ICA1: variants seen among roughly 807,000 people sequenced by gnomAD.
ICA1 encodes the protein islet cell autoantigen 1.
ICA1 carries 40 observed loss-of-function variants against 71.0 expected under a neutral mutation model. That is an observed-to-expected ratio of 0.56 (90% confidence interval 0.44 to 0.73). ICA1 has a LOEUF of 0.73. Among genes scored for constraint, ICA1 ranks in the 30% least tolerant of loss-of-function variants. ICA1 has a pLI of 0.00. For missense variants in ICA1, 578 were observed against 576.5 expected (o/e 1.00, Z -0.03); for synonymous variants, 207 against 209.5 (o/e 0.99, Z 0.10).
intron 6 of ICA1, among the ~76,000 whole-genome samples, chr7:8,159,334 G>C (rs182788123): frequency 6.6e-6 from 1 of 152,320 alleles, no homozygotes; most frequent in African/African-American, 2.4e-5. Flanking sequence ...GTGAACGTCA[G>C]GGAAAGATTC....
intron 6 of ICA1, among the ~76,000 whole-genome samples, chr7:8,217,283 C>G (rs1213319225): frequency 1.3e-5 from 2 of 152,150 alleles, no homozygotes; most frequent in Non-Finnish European, 2.9e-5. Context: ...AAATCACAAA[C>G]CAAGATAAAA....
chr7:8,218,447 T>C lies in ICA1; in HGVS notation c.437A>G (p.His146Arg), dbSNP rs767227888. Reference sequence around the variant, plus strand: ...CAGCCAAGTATCTGAGATGGCCCGATGCCGAAAAGTCTCCACTTCTTGGTG... The same window carrying C: ...CAGCCAAGTATCTGAGATGGCCCGACGCCGAAAAGTCTCCACTTCTTGGTG... ...RFHQEVETFR[H>R]RAISDTWLTV... The change falls in exon 6 of 14, where the codon CAT (histidine) becomes CGT (arginine). Residue 146 changes from histidine to arginine, a missense_variant. His to Arg is a conservative substitution (Grantham distance 29). Coordinates refer to ENST00000402384, the MANE Select transcript of ICA1 (RefSeq NM_001136020.3). 6 of 1,614,104 alleles carry C rather than the reference T, an allele frequency of 3.7e-6. No homozygotes were observed. Among genetic ancestry groups the C allele is most frequent in the South Asian group, 2.2e-5 (2 of 91,080 alleles).
At chr7:8,126,361 C>G (rs1479661107) in intron 13 of ICA1, among the ~76,000 whole-genome samples, 2 of 152,132 alleles carry the variant, frequency 1.3e-5, no homozygotes, top group Non-Finnish European at 2.9e-5. Context: ...AGTTGGCAGC[C>G]TTACTCATTT....
intron 1 of ICA1, among the ~76,000 whole-genome samples, chr7:8,251,412 G>A (rs1808159434): frequency 6.7e-6 from 1 of 149,308 alleles, no homozygotes; most frequent in African/African-American, 2.5e-5. Flanking sequence ...CAGCGATCTG[G>A]CTTCACTTTG....
rs570132205 is a variant in ICA1, at chr7:8,124,621, G to C, written c.1330+3252C>G. 1.9e-4 allele frequency among the ~76,000 whole-genome samples: 29 copies of C among 152,252 alleles called. No individual in the cohort carries two copies. The Middle Eastern group carries it at 0.01, about 54-fold the overall frequency. ...ACGTGTTGAAGGATCCCTGAACTGG[G>C]AGCACCTGCTGGGAATCTGTAAGTG... is the stretch of plus-strand genomic sequence containing the variant. On this transcript the variant is annotated intron_variant, in intron 13 of 13. Coordinates refer to ENST00000402384, the MANE Select transcript of ICA1 (RefSeq NM_001136020.3).
chr7:8,179,368 A>G (rs1324492444), intron 6 of ICA1, among the ~76,000 whole-genome samples: 1 of 152,216 alleles, frequency 6.6e-6, no homozygotes, highest in Non-Finnish European at 1.5e-5. Flanking sequence ...AAGTGGGTTG[A>G]AGTCTAACAA....
At position 8,259,520 on chromosome 7, in the gene ICA1, G is replaced by T. The variant is rs144216023; in HGVS notation, c.-80+2574C>A. On this transcript the variant is annotated intron_variant, in intron 1 of 13. Transcript: ENST00000402384. Reference sequence around the variant, plus strand: ...AAGCAGCAGCATTCTTTTTAGATACGGATAGCATATGTTTAGCATGTGAAA... The same window carrying T: ...AAGCAGCAGCATTCTTTTTAGATACTGATAGCATATGTTTAGCATGTGAAA... 4.6e-5 allele frequency among the ~76,000 whole-genome samples: 7 copies of T among 152,292 alleles called. No homozygotes were observed. The East Asian group carries it at 1.4e-3, about 29-fold the overall frequency.
intron 6 of ICA1, among the ~76,000 whole-genome samples, chr7:8,196,038 T>A (rs1787439333): frequency 6.6e-6 from 1 of 151,880 alleles, no homozygotes; most frequent in Non-Finnish European, 1.5e-5. Flanking sequence ...AACAAAAAAT[T>A]CCACATAAGA....
chr7:8,205,163 A>T (rs375933270), intron 6 of ICA1, among the ~76,000 whole-genome samples: 1 of 151,920 alleles, frequency 6.6e-6, no homozygotes, highest in Non-Finnish European at 1.5e-5. Context: ...GGCCTGGATC[A>T]TAAGTACCAA....
intron 6 of ICA1, among the ~76,000 whole-genome samples, chr7:8,200,492 C>G (rs1789246020): frequency 6.6e-6 from 1 of 151,954 alleles, no homozygotes; most frequent in Admixed American, 6.6e-5. Flanking sequence ...AATAAAGGAA[C>G]AGATTGACTT....
intron 12 of ICA1, 114 bp from the exon 13 acceptor site, chr7:8,128,256 T>G (rs1790106908): frequency 9.4e-7 from 1 of 1,065,764 alleles, no homozygotes; most frequent in Non-Finnish European, 1.4e-6. Context: ...TTAAGAAAAA[T>G]GTCATCAAAA....
intron 6 of ICA1, among the ~76,000 whole-genome samples, chr7:8,202,187 C>T (rs897298604): frequency 6.6e-6 from 1 of 152,234 alleles, no homozygotes; most frequent in African/African-American, 2.4e-5. Context: ...AAGACCCCAT[C>T]ATGCTGCTCA....
intron 6 of ICA1, among the ~76,000 whole-genome samples, 179 bp from the exon 7 acceptor site, chr7:8,158,831 G>C (rs1368531410): frequency 6.6e-6 from 1 of 152,180 alleles, no homozygotes; most frequent in African/African-American, 2.4e-5. Flanking sequence ...AGCCAAATGA[G>C]AGTACTGCAT....
Position 8,139,064 on chromosome 7 carries a change from G to A in ICA1, c.956-17C>T. On this transcript the variant is annotated splice_polypyrimidine_tract_variant and intron_variant, in intron 10 of 13. Coordinates refer to ENST00000402384, the MANE Select transcript of ICA1 (RefSeq NM_001136020.3). ...CATCTTCAGCTGTAATATAACATGT[G>A]CAACTGGTTACCAACAACTCGAAAT... 1 of 1,601,792 alleles carries A rather than the reference G, an allele frequency of 6.2e-7. No homozygotes were observed.
rs767944400 is a variant in ICA1 at position 8,232,607 on chromosome 7, G to A, written c.166C>T (p.Leu56=). Residue 56 remains leucine, a synonymous_variant, in exon 3 of 14, where the codon CTG becomes TTG. Transcript: ENST00000402384. Reference sequence around the variant, plus strand: ...GAGCTCACCTCTAGCTTGGCATCCAGGTCCGCGTCAGAGGCAACAACATGT... The same window carrying A: ...GAGCTCACCTCTAGCTTGGCATCCAAGTCCGCGTCAGAGGCAACAACATGT... The part of the protein sequence containing the change: ...DEHVVASDAD[L]DAKLELFHSI... 1.2e-6 allele frequency: 2 copies of A among 1,611,718 alleles called. No homozygotes were observed. The highest frequency in any genetic ancestry group is 1.7e-5 in the Admixed American group (1 of 59,746).
At chr7:8,257,748 C>T (rs1810714729) in intron 1 of ICA1, among the ~76,000 whole-genome samples, 1 of 152,178 alleles carries the variant, frequency 6.6e-6, no homozygotes. Flanking sequence ...ACCTCCACCA[C>T]CTCCACAACC....
At chr7:8,233,550 C>T (rs1381736533) in intron 2 of ICA1, among the ~76,000 whole-genome samples, 4 of 151,984 alleles carry the variant, frequency 2.6e-5, no homozygotes, top group Non-Finnish European at 5.9e-5. Context: ...CATGCTACCA[C>T]GCCCAGCTAC....
chr7:8,124,901 G>A lies in ICA1; in HGVS notation c.1330+2972C>T, dbSNP rs545593316. The stretch of plus-strand genomic sequence containing the variant: ...CCTCCTGGATTCAAATGATTCTCCT[G>A]CCTCAGCCTCCCGAGTAGCTGGACC... On this transcript the variant is annotated intron_variant, in intron 13 of 13. Coordinates refer to ENST00000402384, the MANE Select transcript of ICA1 (RefSeq NM_001136020.3). 3.0e-4 allele frequency among the ~76,000 whole-genome samples: 45 copies of A among 151,766 alleles called. No homozygotes were observed. In the South Asian group the frequency reaches 9.1e-3, roughly 31 times the overall value.
chr7:8,213,701 T>C (rs1160902922), intron 6 of ICA1, among the ~76,000 whole-genome samples: 2 of 152,200 alleles, frequency 1.3e-5, no homozygotes, highest in Non-Finnish European at 1.5e-5. Context: ...CCATCCCCCA[T>C]ATCAATACTG....
Sources: gnomAD v4.1 joint callset for allele counts (sites outside exome capture counted in the v4.1 genomes callset) on GRCh38, gnomAD v4.1.1 for gene constraint, MANE v1.5 for transcripts, NCBI Gene and HGNC (gene_info 2026-07-23, HGNC 2026-07-21) for gene names.